The following PSAP variants were observed in gnomAD, a reference collection of about 807,000 sequenced individuals.
The protein encoded by PSAP is precursor of saposins.
Under a neutral mutation model 66.0 loss-of-function variants are expected in PSAP, and 25 were observed. That is an observed-to-expected ratio of 0.38 (90% CI 0.28 to 0.53). PSAP has a LOEUF of 0.53. Among genes scored for constraint, PSAP ranks in the 20% least tolerant of loss-of-function variants. PSAP has a pLI of 0.83. For missense variants in PSAP, 649 were observed against 668.8 expected (o/e 0.97, Z 0.33); for synonymous variants, 273 against 258.9 (o/e 1.05, Z -0.52).
At chr10:71,831,286 G>A (rs568396304) in intron 3 of PSAP, 35 bp from the exon 4 acceptor site, 2 of 1,610,990 alleles carry the variant, frequency 1.2e-6, no homozygotes, top group South Asian at 1.1e-5. Context: ...ATCACGATAG[G>A]CTTTCCTCCC....
chr10:71,843,877 T>G (rs1187954992), intron 1 of PSAP, among the ~76,000 whole-genome samples: 2 of 152,228 alleles, frequency 1.3e-5, no homozygotes, highest in Non-Finnish European at 2.9e-5. Flanking sequence ...TTTTGGCAAA[T>G]GTACCATGGT....
In PSAP at chr10:71,817,360, A is replaced by ATCTGT; in HGVS notation, c.*76_*80dup. The ATCTGT allele has an allele frequency of 7.0e-7, 1 of 1,432,506 alleles. No homozygotes were observed. The highest frequency in any genetic ancestry group is 9.9e-7 in the Non-Finnish European group (1 of 1,014,746). 88.7% of individuals were successfully genotyped at this position (1,432,506 alleles called of 1,614,324 possible). Reference sequence around the variant, plus strand: ...CTATTTTTATAACAAAGTCAAACAGATCTGTGCGTTCATTCCCCCAGACAC... The same window carrying ATCTGT: ...CTATTTTTATAACAAAGTCAAACAGATCTGTTCTGTGCGTTCATTCCCCCAGACAC... On this transcript the variant is annotated 3_prime_UTR_variant, in exon 14 of 14. Transcript: ENST00000394936.
intron 1 of PSAP, among the ~76,000 whole-genome samples, chr10:71,835,203 C>T (rs920691590): frequency 4.0e-5 from 6 of 149,176 alleles, no homozygotes; most frequent in South Asian, 2.1e-4. Flanking sequence ...GGTGACAGAG[C>T]GAGACTCCGT....
In PSAP at chr10:71,831,497, A is replaced by T. The variant is rs114082453; in HGVS notation, c.250-246T>A. Among the ~76,000 whole-genome samples, 909 of 152,332 alleles carry T rather than the reference A, an allele frequency of 6.0e-3. 10 individuals are homozygous for T. The highest frequency in any genetic ancestry group is 0.021 in the African/African-American group (864 of 41,570). ...CGCAGGCACAGGGAATTCTAAGCAG[A>T]GATGGCCAAAATGGACCTAGGTATT... On this transcript the variant is annotated intron_variant, in intron 3 of 13. Transcript: ENST00000394936.
chr10:71,828,490 C>T (rs1842439392), intron 5 of PSAP, among the ~76,000 whole-genome samples: 1 of 151,920 alleles, frequency 6.6e-6, no homozygotes. Context: ...ACAAAAAATA[C>T]AAAAATTAGC....
chr10:71,829,432 A>G (rs1283463031), intron 4 of PSAP, among the ~76,000 whole-genome samples: 2 of 152,104 alleles, frequency 1.3e-5, no homozygotes, highest in Non-Finnish European at 2.9e-5. Context: ...CATGCTGTTT[A>G]GTGATAGTAA....
intron 1 of PSAP, among the ~76,000 whole-genome samples, chr10:71,843,058 T>TCA (rs1168468252): frequency 6.6e-6 from 1 of 151,850 alleles, no homozygotes; most frequent in Non-Finnish European, 1.5e-5. Context: ...AACACACACA[T>TCA]CACAACGCCA....
At position 71,831,913 on chromosome 10, in the gene PSAP, A is replaced by C. The variant is rs1043544553; in HGVS notation, c.182T>G (p.Leu61Arg). The change falls in exon 3 of 14, where the codon CTT (leucine) becomes CGT (arginine). Residue 61 changes from leucine (L) to arginine (R), a missense_variant. Coordinates refer to ENST00000394936, the MANE Select transcript of PSAP (RefSeq NM_002778.4). ...TVWNKPTVKS[L>R]PCDICKDVVT... Reference sequence around the variant, plus strand: ...AACGTCTTTGCATATGTCGCAGGGAAGGGATTTCTAAGAGAAAGAATACGA... The same window carrying C: ...AACGTCTTTGCATATGTCGCAGGGACGGGATTTCTAAGAGAAAGAATACGA... 3.1e-6 allele frequency: 5 copies of C among 1,613,986 alleles called. No individual in the cohort carries two copies. Among genetic ancestry groups the C allele is most frequent in the Non-Finnish European group, 3.4e-6 (4 of 1,179,928 alleles).
In PSAP at chr10:71,829,062, C is replaced by T; in HGVS notation, c.391G>A (p.Val131Met). The T allele has an allele frequency of 6.2e-7, 1 of 1,614,044 alleles. No homozygotes were observed. Among genetic ancestry groups the T allele is most frequent in the East Asian group, 2.2e-5 (1 of 44,888 alleles). ...IKGEMSRPGE[V>M]CSALNLCESL... ...TCGCAGAGGTTGAGAGCAGAGCACA[C>T]CTCCCCAGGACGGCTCTGGTGGGAT... The change falls in exon 5 of 14, where the codon GTG (valine) becomes ATG (methionine). Residue 131 changes from valine to methionine, a missense_variant. Physicochemically the swap from Val to Met is conservative, Grantham distance 21 (BLOSUM62 1). Transcript: ENST00000394936.
At chr10:71,827,428 GA>G (rs903233496) in intron 6 of PSAP, among the ~76,000 whole-genome samples, 1 of 125,562 alleles carries the variant, frequency 8.0e-6, no homozygotes, top group African/African-American at 3.0e-5. Context: ...GAAAAGAAAA[GA>G]AAAAAATGGG....
Position 71,847,931 on chromosome 10 carries a change from C to T in PSAP, c.40+3251G>A, listed in dbSNP as rs146450757. Among the ~76,000 whole-genome samples, 134 of 152,240 alleles carry T rather than the reference C, an allele frequency of 8.8e-4. 2 individuals are homozygous for T. Among genetic ancestry groups the T allele is most frequent in the African/African-American group, 3.0e-3 (125 of 41,560 alleles). On this transcript the variant is annotated intron_variant, in intron 1 of 13. Coordinates refer to ENST00000394936, the MANE Select transcript of PSAP (RefSeq NM_002778.4). Reference sequence around the variant, plus strand: ...TCCCCAGAAAACATAACTGTCTTAGCGTGGTGTAGACAACATTCAGCAGGC... The same window carrying T: ...TCCCCAGAAAACATAACTGTCTTAGTGTGGTGTAGACAACATTCAGCAGGC...
intron 9 of PSAP, 60 bp downstream of exon 9, chr10:71,820,180 T>C (rs1842270233): frequency 7.0e-7 from 1 of 1,423,744 alleles, no homozygotes; most frequent in African/African-American, 1.4e-5. Flanking sequence ...ACTTTCCCAC[T>C]GGGACATTCA....
chr10:71,844,742 T>C (rs936582026), intron 1 of PSAP: 5 of 152,210 alleles, frequency 3.3e-5, no homozygotes, highest in African/African-American at 1.2e-4. Context: ...GTAGGGGGCT[T>C]TCCAGTAAAA....
At chr10:71,838,844 T>C (rs908817988) in intron 1 of PSAP, among the ~76,000 whole-genome samples, 3 of 152,118 alleles carry the variant, frequency 2.0e-5, no homozygotes, top group Non-Finnish European at 4.4e-5. Context: ...GCATAACTTA[T>C]GAGCAATTCT....
At chr10:71,833,572 C>T (rs1842562081) in intron 2 of PSAP, among the ~76,000 whole-genome samples, 1 of 152,162 alleles carries the variant, frequency 6.6e-6, no homozygotes, top group African/African-American at 2.4e-5. Flanking sequence ...CAGTAGTGGC[C>T]ACTGACAAGT....
chr10:71,833,115 G>C (rs189851657), intron 2 of PSAP, among the ~76,000 whole-genome samples: 21 of 151,362 alleles, frequency 1.4e-4, no homozygotes, highest in African/African-American at 4.8e-4. Context: ...ATTAAACCTG[G>C]AAACAGGAAG....
intron 8 of PSAP, among the ~76,000 whole-genome samples, chr10:71,821,307 C>T (rs757782606): frequency 1.3e-5 from 2 of 152,240 alleles, no homozygotes; most frequent in Non-Finnish European, 2.9e-5. Flanking sequence ...GTAAGCCCCA[C>T]GGGCACAATG....
At chr10:71,840,212 C>G (rs551397648) in intron 1 of PSAP, among the ~76,000 whole-genome samples, 54 of 151,706 alleles carry the variant, frequency 3.6e-4, no homozygotes, top group Non-Finnish European at 6.9e-4. Context: ...ACAGAAAATG[C>G]ATGCAGCCTC....
intron 11 of PSAP, 53 bp from the exon 12 acceptor site, chr10:71,819,164 TG>T: frequency 6.6e-7 from 1 of 1,513,972 alleles, no homozygotes; most frequent in Non-Finnish European, 9.2e-7. Flanking sequence ...CCGAGCATAG[TG>T]GGGCACAAAA....
Sources: allele counts gnomAD v4.1 joint callset (sites outside exome capture counted in the v4.1 genomes callset), GRCh38; gene constraint gnomAD v4.1.1; transcripts MANE v1.5; gene names NCBI Gene and HGNC (gene_info 2026-07-23, HGNC 2026-07-21).